Variants in PLA2G12B observed in about 807,000 individuals in gnomAD.
PLA2G12B encodes group XIIB secretory phospholipase A2-like protein.
PLA2G12B carries 19 observed loss-of-function variants against 22.3 expected under a neutral mutation model. The observed-to-expected ratio is 0.85, with a 90% CI of 0.60 to 1.25. The LOEUF (loss-of-function observed/expected upper bound fraction) is 1.25, where lower values mean the gene tolerates loss of function less well. Among genes scored for constraint, PLA2G12B ranks in the 50% most tolerant of loss-of-function variants. PLA2G12B has a pLI of 0.00. For missense variants in PLA2G12B, 191 were observed against 246.6 expected, an observed-to-expected ratio of 0.77 and a Z score of 1.51; for synonymous variants, 81 against 94.9, an observed-to-expected ratio of 0.85 and a Z score of 0.85.
intron 1 of PLA2G12B, among the ~76,000 whole-genome samples, chr10:72,947,222 G>C (rs1846458384): frequency 6.6e-6 from 1 of 151,800 alleles, no homozygotes; most frequent in Non-Finnish European, 1.5e-5. Flanking sequence ...ACTGTGCCCT[G>C]CTTCTTTTCA....
chr10:72,944,226 T>C (rs1846406896), intron 1 of PLA2G12B, among the ~76,000 whole-genome samples: 2 of 152,184 alleles, frequency 1.3e-5, no homozygotes, highest in Non-Finnish European at 1.5e-5. Context: ...ACATAATAAA[T>C]GTTAACATTT....
rs1411632422 is a variant in PLA2G12B, at chr10:72,941,478, T to C, written c.301-144A>G. 4.1e-6 allele frequency: 3 copies of C among 738,748 alleles called. No homozygotes were observed. In the Admixed American group the frequency reaches 8.1e-5, roughly 20 times the overall value. The allele number at this position is 738,748 out of a possible 1,614,324, so 45.8% of individuals were successfully genotyped here. On this transcript the variant is annotated intron_variant, in intron 2 of 3. Transcript: ENST00000373032. Reference sequence around the variant, plus strand: ...ATCCCGATCAATTCAGAAACACCAATGACTCAGTAGAATACCAACAGTCAC... The same window carrying C: ...ATCCCGATCAATTCAGAAACACCAACGACTCAGTAGAATACCAACAGTCAC...
chr10:72,935,789 G>A, intron 3 of PLA2G12B, 51 bp from the exon 4 acceptor site: 2 of 1,590,986 alleles, frequency 1.3e-6, no homozygotes, highest in Non-Finnish European at 1.7e-6. Flanking sequence ...TAATTTTGAA[G>A]AGTATTTCCA....
chr10:72,939,840 G>A (rs1411164635), intron 3 of PLA2G12B, among the ~76,000 whole-genome samples: 4 of 152,336 alleles, frequency 2.6e-5, no homozygotes, highest in Admixed American at 2.0e-4. Context: ...GATTTCATCC[G>A]TAAGGAGGAG....
intron 2 of PLA2G12B, among the ~76,000 whole-genome samples, chr10:72,942,422 GTGATTTCAAAGTT>G (rs1423064377): frequency 6.6e-6 from 1 of 152,148 alleles, no homozygotes; most frequent in Non-Finnish European, 1.5e-5. Flanking sequence ...ATTTTCAGTG[GTGATTTCAAAGTT>G]CTGATCCACT....
chr10:72,941,399 G>T, intron 2 of PLA2G12B, 65 bp from the exon 3 acceptor site: 2 of 1,504,576 alleles, frequency 1.3e-6, no homozygotes, highest in Non-Finnish European at 1.8e-6. Context: ...AAGGACCTTA[G>T]GCAACCTTGC....
chr10:72,946,621 A>C (rs981987551), intron 1 of PLA2G12B, among the ~76,000 whole-genome samples: 2 of 152,080 alleles, frequency 1.3e-5, no homozygotes, highest in Non-Finnish European at 2.9e-5. Context: ...TGTCTTTTTT[A>C]TTGTAGCCAT....
rs554557144 is a variant in PLA2G12B at position 72,946,427 on chromosome 10, C to T, written c.212-3687G>A. ...TAATACTGCTACTAATATTTGTAGA[C>T]GGGTTTTTGTGTGAACATGTGTTTC... On this transcript the variant is annotated intron_variant, in intron 1 of 3. Coordinates refer to ENST00000373032, the MANE Select transcript of PLA2G12B (RefSeq NM_032562.5). 7.4e-4 allele frequency among the ~76,000 whole-genome samples: 112 copies of T among 152,232 alleles called. 1 individual carries two copies. Among genetic ancestry groups the T allele is most frequent in the Middle Eastern group, 6.8e-3 (2 of 294 alleles).
At chr10:72,940,051 G>A (rs1779049523) in intron 3 of PLA2G12B, among the ~76,000 whole-genome samples, 1 of 152,170 alleles carries the variant, frequency 6.6e-6, no homozygotes, top group Admixed American at 6.5e-5. Context: ...CCTGACCCTA[G>A]ATTAGCAGCA....
At chr10:72,937,696 A>G (rs1235512125) in intron 3 of PLA2G12B, among the ~76,000 whole-genome samples, 1 of 152,208 alleles carries the variant, frequency 6.6e-6, no homozygotes, top group Non-Finnish European at 1.5e-5. Context: ...CATCATGACT[A>G]AGTGGGATTT....
At chr10:72,935,984 C>A (rs571420307) in intron 3 of PLA2G12B, among the ~76,000 whole-genome samples, 1 of 152,246 alleles carries the variant, frequency 6.6e-6, no homozygotes, top group African/African-American at 2.4e-5. Context: ...CCAGAACCCC[C>A]CACACCACCA....
At chr10:72,939,440 G>A (rs1191155200) in intron 3 of PLA2G12B, among the ~76,000 whole-genome samples, 4 of 152,046 alleles carry the variant, frequency 2.6e-5, no homozygotes, top group African/African-American at 4.8e-5. Context: ...AGAAATAAGC[G>A]ATCTTTGAAA....
chr10:72,943,388 C>G (rs900368830), intron 1 of PLA2G12B, among the ~76,000 whole-genome samples: 1 of 152,128 alleles, frequency 6.6e-6, no homozygotes, highest in South Asian at 2.1e-4. Flanking sequence ...ACACACCACT[C>G]AAAGAACAAG....
intron 1 of PLA2G12B, among the ~76,000 whole-genome samples, chr10:72,952,478 C>G (rs1000580585): frequency 6.6e-6 from 1 of 152,196 alleles, no homozygotes; most frequent in Non-Finnish European, 1.5e-5. Flanking sequence ...TTGAATCTGC[C>G]CTCCAGGGGC....
chr10:72,952,087 CA>C (rs1846540578), intron 1 of PLA2G12B, among the ~76,000 whole-genome samples: 2 of 152,222 alleles, frequency 1.3e-5, no homozygotes, highest in East Asian at 3.8e-4. Context: ...GGCCAACCCA[CA>C]GAAATTTTGA....
intron 1 of PLA2G12B, among the ~76,000 whole-genome samples, chr10:72,948,755 T>C (rs1010837931): frequency 5.3e-5 from 8 of 152,226 alleles, no homozygotes; most frequent in Admixed American, 4.6e-4. Context: ...AGGATGATTT[T>C]CTAATCAAGA....
At chr10:72,936,266 G>T (rs967416922) in intron 3 of PLA2G12B, among the ~76,000 whole-genome samples, 3 of 152,134 alleles carry the variant, frequency 2.0e-5, no homozygotes, top group African/African-American at 7.2e-5. Context: ...ATAAAGAGGT[G>T]GACAGGTAAA....
intron 3 of PLA2G12B, among the ~76,000 whole-genome samples, chr10:72,940,055 A>T (rs986833299): frequency 1.2e-4 from 18 of 152,214 alleles, no homozygotes; most frequent in African/African-American, 1.7e-4. Flanking sequence ...ACCCTAGATT[A>T]GCAGCAGGTA....
chr10:72,945,816 C>A (rs1478161029), intron 1 of PLA2G12B, among the ~76,000 whole-genome samples: 3 of 151,834 alleles, frequency 2.0e-5, no homozygotes, highest in African/African-American at 7.3e-5. Flanking sequence ...CCCAGCTAAT[C>A]TTTGTATTTT....
Sources: allele counts gnomAD v4.1 joint callset (sites outside exome capture counted in the v4.1 genomes callset), GRCh38; gene constraint gnomAD v4.1.1; transcripts MANE v1.5; gene names NCBI Gene and HGNC (gene_info 2026-07-23, HGNC 2026-07-21).